Variants in LRP1B observed in about 807,000 individuals in gnomAD.
LRP1B encodes the protein LDL receptor related protein 1B.
Under a neutral mutation model 556.6 loss-of-function variants are expected in LRP1B, and 217 were observed. The ratio of observed to expected loss-of-function variants is 0.39; its 90% CI spans 0.35 to 0.44. The LOEUF (loss-of-function observed/expected upper bound fraction) is 0.44, where lower values mean the gene tolerates loss of function less well. LRP1B is among the 20% of genes least tolerant of loss of function. LRP1B has a pLI of 1.00. For missense variants in LRP1B, 5,053 were observed against 5,620.8 expected, an observed-to-expected ratio of 0.90 and a Z score of 3.23; for synonymous variants, 2,047 against 1,865.8, an observed-to-expected ratio of 1.10 and a Z score of -2.50.
intron 69 of LRP1B, 119 bp downstream of exon 69, chr2:140,372,889 T>G: frequency 9.3e-7 from 1 of 1,071,212 alleles, no homozygotes; most frequent in Non-Finnish European, 1.4e-6. Flanking sequence ...TGCAGACCCT[T>G]TCTTAAAAAT....
intron 66 of LRP1B, among the ~76,000 whole-genome samples, chr2:140,414,849 T>C (rs894325056): frequency 1.3e-5 from 2 of 152,122 alleles, no homozygotes; most frequent in African/African-American, 4.8e-5. Flanking sequence ...AAGACAACCA[T>C]AAGGTCTGAC....
intron 6 of LRP1B, among the ~76,000 whole-genome samples, chr2:141,225,993 T>C (rs543617284): frequency 6.6e-6 from 1 of 152,208 alleles, no homozygotes; most frequent in Admixed American, 6.6e-5. Flanking sequence ...TTTGCTTTGC[T>C]AACATGAAAA....
At chr2:140,281,111 CTT>C (rs1444142478) in intron 84 of LRP1B, among the ~76,000 whole-genome samples, 1 of 151,808 alleles carries the variant, frequency 6.6e-6, no homozygotes, top group Non-Finnish European at 1.5e-5. Context: ...CACACTCTCT[CTT>C]TTTCTTTCTC....
intron 1 of LRP1B, among the ~76,000 whole-genome samples, chr2:141,956,292 T>G (rs1430429160): frequency 2.0e-5 from 3 of 152,148 alleles, no homozygotes; most frequent in African/African-American, 7.2e-5. Context: ...TTTGCAAAAT[T>G]AATGTTTGTT....
intron 41 of LRP1B, among the ~76,000 whole-genome samples, chr2:140,617,301 C>G (rs1683291215): frequency 6.6e-6 from 1 of 151,912 alleles, no homozygotes; most frequent in African/African-American, 2.4e-5. Flanking sequence ...ACACAGATAA[C>G]TGTAACTGCA....
intron 5 of LRP1B, among the ~76,000 whole-genome samples, chr2:141,242,915 A>G (rs1017517165): frequency 6.6e-6 from 1 of 152,144 alleles, no homozygotes; most frequent in African/African-American, 2.4e-5. Flanking sequence ...TACTGTCACA[A>G]GTTCTACATG....
chr2:140,539,121 T>C (rs1680040233), intron 45 of LRP1B, among the ~76,000 whole-genome samples: 1 of 152,140 alleles, frequency 6.6e-6, no homozygotes, highest in African/African-American at 2.4e-5. Context: ...AGCAATGTTG[T>C]AAGCAAGGGG....
chr2:141,913,575 T>C (rs1898017), intron 1 of LRP1B, among the ~76,000 whole-genome samples: 130,790 of 151,928 alleles, frequency 0.86, 56,459 homozygotes, highest in East Asian at 1. Context: ...CTACCTCATC[T>C]TAGCAGAAGA....
chr2:141,042,043 T>A (rs1407348529), intron 11 of LRP1B, among the ~76,000 whole-genome samples: 1 of 152,108 alleles, frequency 6.6e-6, no homozygotes, highest in Non-Finnish European at 1.5e-5. Context: ...GACTCCAAAA[T>A]CAGATCACAG....
At chr2:140,574,546 G>A (rs1419335658) in intron 43 of LRP1B, among the ~76,000 whole-genome samples, 1 of 152,168 alleles carries the variant, frequency 6.6e-6, no homozygotes, top group Non-Finnish European at 1.5e-5. Flanking sequence ...AATATAATCA[G>A]CTCTCTTGTA....
chr2:140,828,683 A>G (rs187000667), intron 31 of LRP1B, among the ~76,000 whole-genome samples: 228 of 9,354 alleles, frequency 0.024, 31 homozygotes, highest in South Asian at 0.075. Context: ...CCAGCTACTC[A>G]GGAGGCTGAG....
At chr2:141,742,255 C>CTTTT (rs34084336) in intron 2 of LRP1B, among the ~76,000 whole-genome samples, 78 of 122,724 alleles carry the variant, frequency 6.4e-4, no homozygotes, top group Non-Finnish European at 9.9e-4. Context: ...TTCTTTCTTT[C>CTTTT]TTTTTTTTTT....
chr2:140,791,688 A>C (rs577691474), intron 32 of LRP1B, among the ~76,000 whole-genome samples: 1 of 152,310 alleles, frequency 6.6e-6, no homozygotes, highest in South Asian at 2.1e-4. Context: ...CATAATAGAC[A>C]ATGAGTCAGT....
chr2:141,113,592 TG>T (rs1418711573), intron 7 of LRP1B, among the ~76,000 whole-genome samples: 1 of 152,178 alleles, frequency 6.6e-6, no homozygotes, highest in Non-Finnish European at 1.5e-5. Flanking sequence ...TCTAGTTCTT[TG>T]AAAGGGTTTT....
chr2:141,986,526 T>C (rs1347396218), intron 1 of LRP1B, among the ~76,000 whole-genome samples: 1 of 151,946 alleles, frequency 6.6e-6, no homozygotes, highest in Non-Finnish European at 1.5e-5. Flanking sequence ...TATAATTACC[T>C]CTATTTGAAT....
chr2:141,618,838 G>A (rs927826964), intron 2 of LRP1B, among the ~76,000 whole-genome samples: 1 of 152,198 alleles, frequency 6.6e-6, no homozygotes, highest in African/African-American at 2.4e-5. Flanking sequence ...ACTGAATTAA[G>A]GGAGTCCATC....
At chr2:140,494,803 A>G (rs908009920) in intron 56 of LRP1B, among the ~76,000 whole-genome samples, 1 of 152,050 alleles carries the variant, frequency 6.6e-6, no homozygotes, top group African/African-American at 2.4e-5. Context: ...AAGTGGTTGA[A>G]AAAAACAGCT....
chr2:140,464,699 A>G (rs1292510135), intron 60 of LRP1B, among the ~76,000 whole-genome samples: 1 of 152,240 alleles, frequency 6.6e-6, no homozygotes, highest in Non-Finnish European at 1.5e-5. Context: ...AATCCTTCAC[A>G]GTACACAGAA....
chr2:142,041,304 A>G (rs1022774753), intron 1 of LRP1B, among the ~76,000 whole-genome samples: 3 of 151,432 alleles, frequency 2.0e-5, no homozygotes, highest in Non-Finnish European at 4.4e-5. Context: ...GGTCATTCCA[A>G]GCCACAACCA....
Sources: allele counts gnomAD v4.1 joint callset (sites outside exome capture counted in the v4.1 genomes callset), GRCh38; gene constraint gnomAD v4.1.1; transcripts MANE v1.5; gene names NCBI Gene and HGNC (gene_info 2026-07-23, HGNC 2026-07-21).